FAAH2: variants seen among roughly 807,000 people sequenced by gnomAD.
The protein encoded by FAAH2 is fatty acid amide hydrolase 2.
Under a neutral mutation model 36.9 loss-of-function variants are expected in FAAH2, and 60 were observed. That is an observed-to-expected ratio of 1.63 (90% CI 1.32 to 2.02). The LOEUF (loss-of-function observed/expected upper bound fraction) is 2.02. Ranked by LOEUF, FAAH2 falls within the 30% of genes most tolerant of loss-of-function variation. The pLI is 0.00. For synonymous variants in FAAH2, 214 were observed against 143.8 expected, an observed-to-expected ratio of 1.49 and a Z score of -3.49; for missense variants, 689 against 397.5, an observed-to-expected ratio of 1.73 and a Z score of -6.23.
At chrX:57,312,436 G>A (rs1036074412) in intron 3 of FAAH2, among the ~76,000 whole-genome samples, 1 of 111,433 alleles carries the variant, frequency 9.0e-6, no homozygotes, top group African/African-American at 3.3e-5. Flanking sequence ...ACTTTGGGAG[G>A]CCGAGGCAGG....
At chrX:57,271,673 G>A in the FAAH2 span, among the ~76,000 whole-genome samples, 14 of 112,066 alleles carry the variant, frequency 1.2e-4, no homozygotes, top group Non-Finnish European at 2.4e-4. Context: ...CAGCAGAGGG[G>A]CCTGACTGTT....
chrX:57,132,553 G>T, the FAAH2 span, among the ~76,000 whole-genome samples: 380 of 112,349 alleles, frequency 3.4e-3, 2 homozygotes, highest in African/African-American at 0.012. Context: ...AGGAAAACAT[G>T]CAGCGTGTAC....
chrX:57,472,774 CTA>C (rs1363616882), intron 10 of FAAH2, among the ~76,000 whole-genome samples: 1 of 110,863 alleles, frequency 9.0e-6, no homozygotes. Flanking sequence ...TTCCAGGAAA[CTA>C]TCAATTTTCT....
the FAAH2 span, among the ~76,000 whole-genome samples, chrX:57,250,816 T>C: frequency 9.3e-6 from 1 of 107,383 alleles, no homozygotes; most frequent in African/African-American, 3.4e-5. Flanking sequence ...CATGAAGAAA[T>C]AGAAAATATG....
chrX:57,153,556 T>C, the FAAH2 span, among the ~76,000 whole-genome samples: 1 of 112,110 alleles, frequency 8.9e-6, no homozygotes, highest in Non-Finnish European at 1.9e-5. Context: ...AGTGCTGTCT[T>C]GGTATTGGCA....
the FAAH2 span, among the ~76,000 whole-genome samples, chrX:57,246,643 G>A: frequency 9.0e-6 from 1 of 111,068 alleles, no homozygotes; most frequent in African/African-American, 3.3e-5. Context: ...AATAATACTG[G>A]GTATATATAC....
chrX:57,436,226 G>A (rs184879349), intron 8 of FAAH2, among the ~76,000 whole-genome samples: 68 of 110,730 alleles, frequency 6.1e-4, no homozygotes, highest in African/African-American at 2.1e-3. Context: ...AGTTCCCAAA[G>A]GGATGTTCAT....
the FAAH2 span, among the ~76,000 whole-genome samples, chrX:57,275,472 G>T: frequency 8.9e-6 from 1 of 111,905 alleles, no homozygotes; most frequent in Admixed American, 9.5e-5. Context: ...GCAAAAACAC[G>T]CCAAATTGTA....
chrX:57,334,997 G>A (rs1023598841), intron 4 of FAAH2, among the ~76,000 whole-genome samples: 2 of 111,386 alleles, frequency 1.8e-5, no homozygotes, highest in African/African-American at 3.3e-5. Flanking sequence ...GGATCAAGTG[G>A]ACCTAATAGA....
chrX:57,137,179 A>G, the FAAH2 span: 1 of 751,409 alleles, frequency 1.3e-6, no homozygotes, highest in African/African-American at 2.5e-5. Flanking sequence ...CCCCCTCTCC[A>G]TTCTGGCGCC....
At chrX:57,403,819 G>C (rs1334560910) in intron 7 of FAAH2, among the ~76,000 whole-genome samples, 1 of 112,331 alleles carries the variant, frequency 8.9e-6, no homozygotes, top group Non-Finnish European at 1.9e-5. Context: ...TCAGACATTT[G>C]TATGGTAATT....
At chrX:57,193,652 A>T in the FAAH2 span, among the ~76,000 whole-genome samples, 1 of 111,221 alleles carries the variant, frequency 9.0e-6, no homozygotes, top group African/African-American at 3.3e-5. Context: ...CTGTCCCTTT[A>T]TTTCTCAACC....
At chrX:57,296,810 C>T (rs1367579029) in intron 2 of FAAH2, among the ~76,000 whole-genome samples, 1 of 111,779 alleles carries the variant, frequency 8.9e-6, no homozygotes, top group Middle Eastern at 4.2e-3. Flanking sequence ...GATGAATGCA[C>T]AAGCCTCAAT....
intron 7 of FAAH2, among the ~76,000 whole-genome samples, chrX:57,430,969 A>G (rs1042460496): frequency 1.3e-4 from 14 of 111,852 alleles, no homozygotes; most frequent in African/African-American, 4.2e-4. Context: ...ATGTCAAGGC[A>G]GGACTGGAAT....
the FAAH2 span, among the ~76,000 whole-genome samples, chrX:57,151,053 G>A: frequency 8.9e-6 from 1 of 112,084 alleles, no homozygotes; most frequent in African/African-American, 3.3e-5. Context: ...ATTCTGGGTT[G>A]AAAATTATTT....
At chrX:57,270,411 C>CA in the FAAH2 span, among the ~76,000 whole-genome samples, 2 of 111,524 alleles carry the variant, frequency 1.8e-5, no homozygotes, top group Non-Finnish European at 3.8e-5. Context: ...AGCAATGCAA[C>CA]AAAAAAAGAA....
chrX:57,415,071 G>A (rs2055806001), intron 7 of FAAH2, among the ~76,000 whole-genome samples: 1 of 109,376 alleles, frequency 9.1e-6, no homozygotes, highest in Admixed American at 9.8e-5. Context: ...GATCAGTGGT[G>A]GTATTCCCTT....
At chrX:57,473,741 T>A (rs780160658) in intron 10 of FAAH2, among the ~76,000 whole-genome samples, 1 of 111,899 alleles carries the variant, frequency 8.9e-6, no homozygotes, top group South Asian at 3.7e-4. Context: ...CTTCTTTTAT[T>A]GGAGCTTTTC....
At chrX:57,488,404 A>G (rs1397296439) in intron 10 of FAAH2, among the ~76,000 whole-genome samples, 1 of 111,758 alleles carries the variant, frequency 8.9e-6, no homozygotes, top group Non-Finnish European at 1.9e-5. Flanking sequence ...GCTATGGAAA[A>G]CAAATTAGAA....
Sources: gnomAD v4.1 joint callset for allele counts (sites outside exome capture counted in the v4.1 genomes callset) on GRCh38, gnomAD v4.1.1 for gene constraint, MANE v1.5 for transcripts, NCBI Gene and HGNC (gene_info 2026-07-23, HGNC 2026-07-21) for gene names.